Variants in PTK7 observed in about 807,000 individuals in gnomAD.
PTK7 encodes the protein inactive tyrosine-protein kinase 7.
Under a neutral mutation model 116.6 loss-of-function variants are expected in PTK7, and 39 were observed. The ratio of observed to expected loss-of-function variants is 0.33; its 90% confidence interval spans 0.26 to 0.44. PTK7 has a LOEUF of 0.44. PTK7 is among the 20% of genes least tolerant of loss of function. PTK7 has a pLI of 1.00. For missense variants in PTK7, 1,169 were observed against 1,425.6 expected (o/e 0.82, Z 2.90); for synonymous variants, 546 against 563.6 (o/e 0.97, Z 0.44).
chr6:43,145,389 G>A lies in PTK7; in HGVS notation c.2597G>A (p.Arg866Gln), dbSNP rs759879623. The change falls in exon 16 of 20, where the codon CGG (arginine) becomes CAG (glutamine). Residue 866 changes from arginine to glutamine, a missense_variant. Arg to Gln is a conservative substitution (Grantham distance 43, BLOSUM62 1). Transcript: ENST00000230419. The surrounding 1 kb of genome is among the most constrained non-coding windows in gnomAD (Gnocchi z 4.8). ...ANVVRLLGLC[R>Q]EAEPHYMVLE... The stretch of plus-strand genomic sequence containing the variant: ...GTGGTGCGGCTCCTGGGGCTGTGCC[G>A]GGAGGCTGAGCCCCACTACATGGTG... 23 of 1,609,952 alleles carry A rather than the reference G, an allele frequency of 1.4e-5. No homozygotes were observed. In the African/African-American group the frequency reaches 1.5e-4, roughly 10 times the overall value.
intron 10 of PTK7, among the ~76,000 whole-genome samples, chr6:43,140,387 AGG>A (rs1253197099): frequency 6.7e-6 from 1 of 148,486 alleles, no homozygotes; most frequent in East Asian, 2.0e-4. Context: ...CAGGAGGCGG[AGG>A]TGGCAGTGAG....
At chr6:43,117,947 GAAAGA>G (rs970504350) in intron 1 of PTK7, among the ~76,000 whole-genome samples, 5 of 149,934 alleles carry the variant, frequency 3.3e-5, no homozygotes, top group African/African-American at 4.9e-5. Flanking sequence ...AAAAAAAAAC[GAAAGA>G]AAAGAAAAGA....
chr6:43,111,121 A>G (rs1178882530), intron 1 of PTK7, among the ~76,000 whole-genome samples: 1 of 152,234 alleles, frequency 6.6e-6, no homozygotes, highest in Non-Finnish European at 1.5e-5. Context: ...TGGGGGAAGT[A>G]AATGAAACTA....
chr6:43,130,289 C>T lies in PTK7; in HGVS notation c.530C>T (p.Thr177Ile), dbSNP rs772601615. 5.6e-6 allele frequency: 9 copies of T among 1,610,448 alleles called. No homozygotes were observed. Among genetic ancestry groups the T allele is most frequent in the African/African-American group, 1.3e-5 (1 of 74,996 alleles). The change falls in exon 4 of 20, where the codon ACA (threonine) becomes ATA (isoleucine). Residue 177 changes from threonine to isoleucine, a missense_variant. Coordinates refer to ENST00000230419, the MANE Select transcript of PTK7 (RefSeq NM_002821.5). ...CTTTCTGATGGTCAGAGCAACCACA[C>T]AGTCAGCAGCAAGGAGCGGAACCTG... Reference protein sequence around the residue: ...TPLSDGQSNHTVSSKERNLTL... With the variant: ...TPLSDGQSNHIVSSKERNLTL...
chr6:43,113,464 C>G (rs1331788421), intron 1 of PTK7, among the ~76,000 whole-genome samples: 2 of 151,988 alleles, frequency 1.3e-5, no homozygotes, highest in Non-Finnish European at 2.9e-5. Flanking sequence ...TTTCCCTTTT[C>G]TTTCTGGGGT....
chr6:43,093,809 ATGAAAG>A (rs1767087045), intron 1 of PTK7, among the ~76,000 whole-genome samples: 1 of 152,182 alleles, frequency 6.6e-6, no homozygotes, highest in Non-Finnish European at 1.5e-5. Flanking sequence ...TTTATTGAAA[ATGAAAG>A]TACACTCCAC....
chr6:43,109,862 C>T (rs1768095497), intron 1 of PTK7, among the ~76,000 whole-genome samples: 1 of 151,944 alleles, frequency 6.6e-6, no homozygotes. Flanking sequence ...CCACGCCCGG[C>T]TAATTTTTTG....
chr6:43,161,187 T>G lies in PTK7; in HGVS notation c.*306T>G. ...ACCCCAATTTCTGGCCTTCAACTTCTCCCCTTGACCGGGTCCAACTCTGCC... is the reference window on the plus strand; with the variant it reads ...ACCCCAATTTCTGGCCTTCAACTTCGCCCCTTGACCGGGTCCAACTCTGCC... On this transcript the variant is annotated 3_prime_UTR_variant, in exon 20 of 20. Coordinates refer to ENST00000230419, the MANE Select transcript of PTK7 (RefSeq NM_002821.5). 1 of 299,660 alleles carries G rather than the reference T, an allele frequency of 3.3e-6. No individual in the cohort carries two copies. 18.6% of individuals were successfully genotyped at this position (299,660 alleles called of 1,614,324 possible). A position where few individuals can be genotyped will look rare whatever the true frequency, so the allele number is the denominator to read the frequency against.
Position 43,160,741 on chromosome 6 carries a change from A to G in PTK7, c.3073A>G (p.Arg1025Gly), listed in dbSNP as rs1771798313. ...TACAGATTTGCAGGCTGGGAAGGCT[A>G]GACTTCCTCAGCCCGAGGGCTGCCC... Reference protein sequence around the residue: ...VLADLQAGKARLPQPEGCPSK... With the variant: ...VLADLQAGKAGLPQPEGCPSK... Residue 1025 changes from arginine (R) to glycine (G), a missense_variant, in exon 20 of 20, where the codon AGA (arginine) becomes GGA (glycine). By Grantham distance (125) the Arg-to-Gly change is moderately radical. Around this residue, in one of 3 missense-constraint regions of PTK7, gnomAD observed 678 missense variants for 853.8 expected, o/e 0.79. Transcript: ENST00000230419. 6.2e-7 allele frequency: 1 copy of G among 1,614,186 alleles called. No individual in the cohort carries two copies. The highest frequency in any genetic ancestry group is 8.5e-7 in the Non-Finnish European group (1 of 1,180,022).
chr6:43,147,327 A>G (rs1015270828), intron 17 of PTK7, among the ~76,000 whole-genome samples: 1 of 152,166 alleles, frequency 6.6e-6, no homozygotes, highest in African/African-American at 2.4e-5. Context: ...GAAGAAGGGA[A>G]AGCTTGCCTG....
chr6:43,132,288 G>T, intron 6 of PTK7, 124 bp downstream of exon 6: 1 of 1,499,552 alleles, frequency 6.7e-7, no homozygotes, highest in Non-Finnish European at 9.0e-7. Context: ...GATGCTGGGA[G>T]TAGGAAGAGG....
At chr6:43,131,961 T>C in intron 5 of PTK7, 55 bp from the exon 6 acceptor site, 1 of 1,609,434 alleles carries the variant, frequency 6.2e-7, no homozygotes, top group Admixed American at 1.7e-5. Context: ...TTGCATTCCT[T>C]TCCAGAACTA....
In PTK7 at chr6:43,146,273, AG is replaced by A. The variant is rs1242740963; in HGVS notation, c.2641-341del. Reference sequence around the variant, plus strand: ...ATTAGATTGTAAAGCTCTGGAGGACAGGGGTTTCCTCTCAGGAATCTTTGAG... The same window carrying A: ...ATTAGATTGTAAAGCTCTGGAGGACAGGGTTTCCTCTCAGGAATCTTTGAG... On this transcript the variant is annotated intron_variant, in intron 16 of 19. Coordinates refer to ENST00000230419, the MANE Select transcript of PTK7 (RefSeq NM_002821.5). 3.1e-5 allele frequency: 6 copies of A among 194,998 alleles called. No homozygotes were observed. In the South Asian group the frequency reaches 5.4e-4, roughly 18 times the overall value. The allele number at this position is 194,998 out of a possible 1,614,324, so 12.1% of individuals were successfully genotyped here.
intron 1 of PTK7, among the ~76,000 whole-genome samples, chr6:43,093,117 C>T (rs749288841): frequency 6.6e-6 from 1 of 151,546 alleles, no homozygotes; most frequent in South Asian, 2.1e-4. Flanking sequence ...AGGTAGGTGT[C>T]CCTAACAAGG....
Position 43,138,925 on chromosome 6 carries a change from C to A in PTK7, c.1305C>A (p.Thr435=). 1 of 1,614,174 alleles carries A rather than the reference C, an allele frequency of 6.2e-7. No individual in the cohort carries two copies. The highest frequency in any genetic ancestry group is 2.2e-5 in the East Asian group (1 of 44,884). The change falls in exon 8 of 20, where the codon ACC becomes ACA. Residue 435 remains threonine, a synonymous_variant. Coordinates refer to ENST00000230419, the MANE Select transcript of PTK7 (RefSeq NM_002821.5). ...EGKPGYLDCL[T]QATPKPTVVW... ...AACCCGGCTACTTGGATTGCCTGACCCAGGCCACACCAAAACCTACAGTTG... is the reference window on the plus strand; with the variant it reads ...AACCCGGCTACTTGGATTGCCTGACACAGGCCACACCAAAACCTACAGTTG...
intron 1 of PTK7, among the ~76,000 whole-genome samples, chr6:43,115,274 T>G (rs894309478): frequency 6.6e-6 from 1 of 152,042 alleles, no homozygotes; most frequent in African/African-American, 2.4e-5. Context: ...AGTTAAGAGA[T>G]TAAATAAAAT....
At chr6:43,081,505 A>G (rs1410181370) in intron 1 of PTK7, among the ~76,000 whole-genome samples, 2 of 152,104 alleles carry the variant, frequency 1.3e-5, no homozygotes, top group Non-Finnish European at 2.9e-5. Context: ...CCCAGGTTCA[A>G]GTGATTCTCC....
intron 10 of PTK7, among the ~76,000 whole-genome samples, chr6:43,140,294 A>G (rs1325963786): frequency 2.0e-5 from 3 of 152,060 alleles, no homozygotes; most frequent in Non-Finnish European, 4.4e-5. Flanking sequence ...TCTACTGAAA[A>G]TACAAAAAAT....
At chr6:43,115,432 C>A (rs1387851893) in intron 1 of PTK7, among the ~76,000 whole-genome samples, 1 of 152,134 alleles carries the variant, frequency 6.6e-6, no homozygotes, top group Non-Finnish European at 1.5e-5. Flanking sequence ...GGCCTGTCCT[C>A]ATCCCCCTGT....
Sources: allele counts gnomAD v4.1 joint callset (sites outside exome capture counted in the v4.1 genomes callset), GRCh38; gene constraint gnomAD v4.1.1; regional missense constraint gnomAD v4.1.1; non-coding constraint Gnocchi (gnomAD v3.1); transcripts MANE v1.5; gene names NCBI Gene and HGNC (gene_info 2026-07-23, HGNC 2026-07-21).